Variants in TRAPPC9 observed in about 807,000 individuals in gnomAD.
TRAPPC9 encodes the protein IKK2 binding protein.
In TRAPPC9, 83 loss-of-function variants were observed where a neutral mutation model predicts 124.0. The ratio of observed to expected loss-of-function variants is 0.67; its 90% CI spans 0.56 to 0.80. The LOEUF (loss-of-function observed/expected upper bound fraction) is 0.80. Among genes scored for constraint, TRAPPC9 ranks in the 30% least tolerant of loss-of-function variants. The pLI is 0.00. For missense variants in TRAPPC9, 1,302 were observed against 1,508.3 expected, an observed-to-expected ratio of 0.86 and a Z score of 2.27; for synonymous variants, 638 against 617.5, an observed-to-expected ratio of 1.03 and a Z score of -0.49.
intron 19 of TRAPPC9, among the ~76,000 whole-genome samples, chr8:139,947,514 T>G (rs1056486176): frequency 1.3e-5 from 2 of 152,152 alleles, no homozygotes; most frequent in Admixed American, 1.3e-4. Flanking sequence ...TTGTCCTTGT[T>G]GAAAAGTAGA....
intron 21 of TRAPPC9, among the ~76,000 whole-genome samples, chr8:139,800,993 T>C (rs1469935186): frequency 4.9e-5 from 6 of 123,610 alleles, no homozygotes; most frequent in Non-Finnish European, 6.6e-5. Context: ...TCCCCCGCTC[T>C]GGCACCTTCC....
At chr8:140,184,103 G>C (rs1190139637) in intron 17 of TRAPPC9, among the ~76,000 whole-genome samples, 1 of 152,022 alleles carries the variant, frequency 6.6e-6, no homozygotes, top group Admixed American at 6.6e-5. Context: ...CTGAGAGTGG[G>C]GGCAGGGCCA....
At chr8:140,337,145 C>T (rs988302428) in intron 9 of TRAPPC9, among the ~76,000 whole-genome samples, 11 of 152,140 alleles carry the variant, frequency 7.2e-5, no homozygotes, top group Non-Finnish European at 1.5e-5. Flanking sequence ...GAACTGTAAT[C>T]CCAGCTCGCA....
chr8:140,326,511 C>T (rs1016069226), intron 9 of TRAPPC9, among the ~76,000 whole-genome samples: 1 of 152,168 alleles, frequency 6.6e-6, no homozygotes, highest in African/African-American at 2.4e-5. Context: ...CCAGTGATTC[C>T]TGACATACTA....
intron 19 of TRAPPC9, among the ~76,000 whole-genome samples, chr8:139,976,638 G>A (rs930426265): frequency 2.6e-5 from 4 of 152,230 alleles, no homozygotes; most frequent in African/African-American, 4.8e-5. Context: ...CGCACGGCTC[G>A]TGAGGAGCTG....
intron 17 of TRAPPC9, among the ~76,000 whole-genome samples, chr8:140,102,284 A>C (rs1370647584): frequency 6.6e-6 from 1 of 152,200 alleles, no homozygotes. Context: ...AATATGTCTA[A>C]TGTGTTTTCC....
At chr8:139,790,501 T>C (rs4736095) in intron 21 of TRAPPC9, among the ~76,000 whole-genome samples, 97,792 of 152,062 alleles carry the variant, frequency 0.64, 31,634 homozygotes, top group South Asian at 0.67. Flanking sequence ...AGGCAGGCTC[T>C]GGGCACTGAC....
At chr8:140,320,281 T>C (rs1223153605) in intron 9 of TRAPPC9, among the ~76,000 whole-genome samples, 4 of 152,210 alleles carry the variant, frequency 2.6e-5, no homozygotes, top group Non-Finnish European at 5.9e-5. Context: ...TGTCCCCTGG[T>C]GTCTACATAA....
rs201507433 is a variant in TRAPPC9, at chr8:140,169,609, TG to T, written c.2556+51849del. On this transcript the variant is annotated intron_variant, in intron 17 of 22. Transcript: ENST00000438773. ...CCAGCCACGAGAAGGAAGGAAGCAC[TG>T]ATGCTCAGCACGGCATCTACGAGCC... 7.5e-3 allele frequency among the ~76,000 whole-genome samples: 1,144 copies of T among 152,272 alleles called. 12 individuals carry two copies. The highest frequency in any genetic ancestry group is 0.025 in the African/African-American group (1,059 of 41,532).
At chr8:139,860,407 T>C (rs929228056) in intron 21 of TRAPPC9, among the ~76,000 whole-genome samples, 1 of 152,210 alleles carries the variant, frequency 6.6e-6, no homozygotes, top group Non-Finnish European at 1.5e-5. Context: ...GCTGCCATCA[T>C]AATTCTGTGC....
At chr8:139,908,349 G>A (rs1276992747) in intron 20 of TRAPPC9, among the ~76,000 whole-genome samples, 1 of 152,302 alleles carries the variant, frequency 6.6e-6, no homozygotes, top group East Asian at 1.9e-4. Context: ...CCCGGCCAGA[G>A]GCTGAATCTC....
chr8:140,349,522 G>A (rs936842652), intron 9 of TRAPPC9, among the ~76,000 whole-genome samples: 1 of 152,166 alleles, frequency 6.6e-6, no homozygotes, highest in Non-Finnish European at 1.5e-5. Context: ...GCTTCAGAGC[G>A]GAAGGTTGCT....
chr8:140,082,668 C>T (rs1045414396), intron 17 of TRAPPC9, among the ~76,000 whole-genome samples: 17 of 152,178 alleles, frequency 1.1e-4, no homozygotes, highest in African/African-American at 3.9e-4. Context: ...CTGATGTTCA[C>T]ATTAATTTTT....
intron 20 of TRAPPC9, among the ~76,000 whole-genome samples, chr8:139,889,821 G>A (rs1239688838): frequency 1.3e-5 from 2 of 152,174 alleles, no homozygotes; most frequent in African/African-American, 2.4e-5. Flanking sequence ...GCCCCCCTGC[G>A]GCCCCCTCGT....
At chr8:139,891,502 G>C (rs1002222449) in intron 20 of TRAPPC9, among the ~76,000 whole-genome samples, 1 of 152,214 alleles carries the variant, frequency 6.6e-6, no homozygotes, top group Non-Finnish European at 1.5e-5. Flanking sequence ...TCATGCACGT[G>C]CTCATCCACT....
chr8:140,422,564 G>A (rs1157641182), intron 5 of TRAPPC9, among the ~76,000 whole-genome samples: 1 of 152,054 alleles, frequency 6.6e-6, no homozygotes, highest in African/African-American at 2.4e-5. Flanking sequence ...GACCAGCCTG[G>A]TCAAAATGGT....
At chr8:140,114,435 G>A (rs1414867701) in intron 17 of TRAPPC9, among the ~76,000 whole-genome samples, 2 of 151,588 alleles carry the variant, frequency 1.3e-5, no homozygotes, top group Non-Finnish European at 2.9e-5. Flanking sequence ...GTCCAAAGTA[G>A]AAATCTGATA....
At chr8:140,068,658 C>T (rs758808439) in intron 17 of TRAPPC9, among the ~76,000 whole-genome samples, 3 of 152,148 alleles carry the variant, frequency 2.0e-5, no homozygotes, top group Non-Finnish European at 4.4e-5. Flanking sequence ...ATTCTTCAAT[C>T]GAAATAGCTT....
chr8:140,048,495 T>C (rs1305505906), intron 17 of TRAPPC9, among the ~76,000 whole-genome samples: 3 of 152,080 alleles, frequency 2.0e-5, no homozygotes, highest in Non-Finnish European at 4.4e-5. Context: ...AGAGCGAGTT[T>C]AGGCTCATGT....
Sources: allele counts gnomAD v4.1 joint callset (sites outside exome capture counted in the v4.1 genomes callset), GRCh38; gene constraint gnomAD v4.1.1; transcripts MANE v1.5; gene names NCBI Gene and HGNC (gene_info 2026-07-23, HGNC 2026-07-21).